Variants in RNF220 observed in about 807,000 individuals in gnomAD.
The protein encoded by RNF220 is E3 ubiquitin-protein ligase RNF220.
Under a neutral mutation model 67.1 loss-of-function variants are expected in RNF220, and 7 were observed. That is an observed-to-expected ratio of 0.10 (90% CI 0.06 to 0.20). RNF220 has a LOEUF of 0.20. RNF220 is among the 10% of genes least tolerant of loss of function. The pLI is 1.00. For missense variants in RNF220, 565 were observed against 740.3 expected (o/e 0.76, Z 2.75); for synonymous variants, 270 against 283.2 (o/e 0.95, Z 0.47).
intron 2 of RNF220, among the ~76,000 whole-genome samples, chr1:44,503,353 A>G (rs1013943863): frequency 9.9e-5 from 15 of 151,652 alleles, no homozygotes; most frequent in East Asian, 5.8e-4. Flanking sequence ...AAAAAAAAAA[A>G]AAGAAGCGTT....
intron 2 of RNF220, among the ~76,000 whole-genome samples, chr1:44,518,300 G>A (rs936716266): frequency 6.6e-6 from 1 of 151,992 alleles, no homozygotes; most frequent in African/African-American, 2.4e-5. Context: ...TGGTGAGCAC[G>A]TTTAGGCCCA....
intron 2 of RNF220, among the ~76,000 whole-genome samples, chr1:44,478,879 T>C (rs771902831): frequency 6.6e-6 from 1 of 152,196 alleles, no homozygotes; most frequent in African/African-American, 2.4e-5. Context: ...TTGTTCCCCG[T>C]GGCTGTTGGT....
In RNF220 at chr1:44,431,384, G is replaced by A. The variant is rs572334929; in HGVS notation, c.625+18662G>A. On this transcript the variant is annotated intron_variant, in intron 2 of 14. Transcript: ENST00000361799. ...CCTGCGCCTGTAATCCAAGCTACTC[G>A]GGAGGCTGAGGCAGAGAATTGCTTA... is the stretch of plus-strand genomic sequence containing the variant. 5.9e-5 allele frequency among the ~76,000 whole-genome samples: 9 copies of A among 151,918 alleles called. No individual in the cohort carries two copies. The South Asian group carries it at 1.0e-3, about 18-fold the overall frequency.
In RNF220 at chr1:44,622,910, C is replaced by T. The variant is rs1643856559; in HGVS notation, c.804+123C>T. The T allele has an allele frequency of 3.8e-6, 3 of 786,566 alleles. No homozygotes were observed. The highest frequency in any genetic ancestry group is 4.4e-6 in the Non-Finnish European group (2 of 456,864). The allele number at this position is 786,566 out of a possible 1,614,324, so 48.7% of individuals were successfully genotyped here. A position where few individuals can be genotyped will look rare whatever the true frequency, so the allele number is the denominator to read the frequency against. ...AACTATCTCCAGCTTTTCTAATATC[C>T]TCAACTATCTCCAGGTCTTGAACAT... is the stretch of plus-strand genomic sequence containing the variant. On this transcript the variant is annotated intron_variant, in intron 4 of 14. Transcript: ENST00000361799. The surrounding 1 kb of genome is among the most constrained non-coding windows in gnomAD (Gnocchi z 4.3).
chr1:44,518,373 TATG>T (rs1303525494), intron 2 of RNF220, among the ~76,000 whole-genome samples: 4 of 152,094 alleles, frequency 2.6e-5, no homozygotes, highest in Admixed American at 1.3e-4. Context: ...TGCAGTGAGC[TATG>T]ATCACCCCAC....
At chr1:44,623,636 A>G (rs1373555792) in intron 4 of RNF220, among the ~76,000 whole-genome samples, 28 of 152,176 alleles carry the variant, frequency 1.8e-4, no homozygotes, top group Non-Finnish European at 1.5e-5. Context: ...AGGAATGACT[A>G]TGGAAGATTT....
At chr1:44,550,370 C>T (rs890576013) in intron 2 of RNF220, among the ~76,000 whole-genome samples, 4 of 152,146 alleles carry the variant, frequency 2.6e-5, no homozygotes, top group Admixed American at 6.5e-5. Context: ...CTGTGTCTCT[C>T]GGGCTGCACA....
chr1:44,616,422 A>G (rs186819745), intron 3 of RNF220, among the ~76,000 whole-genome samples: 1 of 152,278 alleles, frequency 6.6e-6, no homozygotes, highest in East Asian at 1.9e-4. Flanking sequence ...CTTCACAACA[A>G]CCCTCTGAAG....
rs142592012 is a variant in RNF220 at position 44,635,962 on chromosome 1, C to T, written c.994-68C>T. 8 of 1,609,106 alleles carry T rather than the reference C, an allele frequency of 5.0e-6. No homozygotes were observed. In the African/African-American group the frequency reaches 5.3e-5, roughly 11 times the overall value. ...ACAGCTGGGGCTAGAGCTGTGCCTT[C>T]GTTGCAGACTGTGGGGAGCAGGTGG... On this transcript the variant is annotated intron_variant, in intron 7 of 14. Transcript: ENST00000361799.
chr1:44,415,199 G>A (rs1384988148), intron 2 of RNF220, among the ~76,000 whole-genome samples: 2 of 151,636 alleles, frequency 1.3e-5, no homozygotes, highest in Non-Finnish European at 2.9e-5. Context: ...GACGTGTGTC[G>A]GAATATTTAT....
At chr1:44,612,697 T>A (rs1392167015) in intron 2 of RNF220, among the ~76,000 whole-genome samples, 3 of 152,106 alleles carry the variant, frequency 2.0e-5, no homozygotes, top group African/African-American at 7.2e-5. Flanking sequence ...CCAGGTAAAT[T>A]CTAGAAAATG....
At chr1:44,422,428 C>T (rs1360843049) in intron 2 of RNF220, among the ~76,000 whole-genome samples, 1 of 152,228 alleles carries the variant, frequency 6.6e-6, no homozygotes, top group Non-Finnish European at 1.5e-5. Context: ...GACTGAGCAG[C>T]AGTCAAGGCT....
At chr1:44,425,547 G>A (rs1649676203) in intron 2 of RNF220, among the ~76,000 whole-genome samples, 1 of 152,152 alleles carries the variant, frequency 6.6e-6, no homozygotes, top group African/African-American at 2.4e-5. Context: ...CAAGTGGGAG[G>A]TGGTGACTAG....
intron 2 of RNF220, among the ~76,000 whole-genome samples, chr1:44,515,560 C>G (rs1438421864): frequency 3.9e-5 from 6 of 152,204 alleles, no homozygotes; most frequent in Non-Finnish European, 8.8e-5. Flanking sequence ...GATGCCTGCT[C>G]TATTCCAGGT....
chr1:44,639,946 C>T (rs1644439703), intron 8 of RNF220, among the ~76,000 whole-genome samples: 1 of 152,204 alleles, frequency 6.6e-6, no homozygotes, highest in Admixed American at 6.5e-5. Context: ...TGTGCCACTA[C>T]AACCAGCTAA....
At chr1:44,466,723 A>T (rs1157420733) in intron 2 of RNF220, among the ~76,000 whole-genome samples, 1 of 152,184 alleles carries the variant, frequency 6.6e-6, no homozygotes, top group Non-Finnish European at 1.5e-5. Context: ...TTTTGATAGG[A>T]ATCTTTTTCT....
intron 2 of RNF220, among the ~76,000 whole-genome samples, chr1:44,575,600 A>C (rs1430071914): frequency 6.6e-6 from 1 of 152,244 alleles, no homozygotes; most frequent in Non-Finnish European, 1.5e-5. Context: ...CCACAATGAG[A>C]TACCATCTTA....
chr1:44,554,652 A>C (rs1662927396), intron 2 of RNF220, among the ~76,000 whole-genome samples: 1 of 152,132 alleles, frequency 6.6e-6, no homozygotes, highest in Non-Finnish European at 1.5e-5. Context: ...AAATCATCTG[A>C]AGCAAACCTG....
intron 2 of RNF220, among the ~76,000 whole-genome samples, chr1:44,515,909 C>A (rs953753293): frequency 6.6e-6 from 1 of 152,166 alleles, no homozygotes; most frequent in East Asian, 1.9e-4. Flanking sequence ...TCCTTTCACC[C>A]GGACCTGAAA....
Sources: gnomAD v4.1 joint callset for allele counts (sites outside exome capture counted in the v4.1 genomes callset) on GRCh38, gnomAD v4.1.1 for gene constraint, Gnocchi (gnomAD v3.1) non-coding constraint, MANE v1.5 for transcripts, NCBI Gene and HGNC (gene_info 2026-07-23, HGNC 2026-07-21) for gene names.